Variants in PRUNE2 observed in about 807,000 individuals in gnomAD.
The protein encoded by PRUNE2 is prune homolog 2 with BCH domain.
PRUNE2 carries 164 observed loss-of-function variants against 252.0 expected under a neutral mutation model. The ratio of observed to expected loss-of-function variants is 0.65; its 90% confidence interval spans 0.57 to 0.74. PRUNE2 has a LOEUF of 0.74. Among genes scored for constraint, PRUNE2 ranks in the 30% least tolerant of loss-of-function variants. The probability of loss-of-function intolerance (pLI) is 0.00; values close to 1 mark genes in which losing one functional copy is unlikely to be tolerated. For missense variants in PRUNE2, 3,495 were observed against 3,711.0 expected (o/e 0.94, Z 1.51); for synonymous variants, 1,292 against 1,350.2 (o/e 0.96, Z 0.94).
chr9:76,773,101 C>T (rs759837445), intron 6 of PRUNE2, among the ~76,000 whole-genome samples: 20 of 152,208 alleles, frequency 1.3e-4, no homozygotes, highest in Non-Finnish European at 2.9e-4. Flanking sequence ...ATCCTACCAG[C>T]TTCCCCTACT....
At chr9:76,816,365 A>AT (rs1212966491) in intron 6 of PRUNE2, among the ~76,000 whole-genome samples, 1 of 152,040 alleles carries the variant, frequency 6.6e-6, no homozygotes, top group African/African-American at 2.4e-5. Flanking sequence ...TTACACAGGG[A>AT]TTTTTTATTC....
chr9:76,763,019 C>T (rs2051904688), intron 6 of PRUNE2, among the ~76,000 whole-genome samples: 1 of 152,164 alleles, frequency 6.6e-6, no homozygotes, highest in Non-Finnish European at 1.5e-5. Flanking sequence ...CATCCTCTAC[C>T]GCAAACCTGC....
intron 1 of PRUNE2, among the ~76,000 whole-genome samples, chr9:76,871,447 C>A (rs1047210695): frequency 3.9e-5 from 6 of 152,170 alleles, no homozygotes; most frequent in Non-Finnish European, 2.9e-5. Context: ...GTCCTGGAAC[C>A]AGTTCCCTGT....
At position 76,639,691 on chromosome 9, in the gene PRUNE2, G is replaced by A. The variant is rs1311949627; in HGVS notation, c.8729-1403C>T. On this transcript the variant is annotated intron_variant, in intron 12 of 18. Transcript: ENST00000376718. Reference sequence around the variant, plus strand: ...ATGGGTCTGGCTAAATTATATTTGAGTAGTATAAAATTCTGTACTTTTGGG... The same window carrying A: ...ATGGGTCTGGCTAAATTATATTTGAATAGTATAAAATTCTGTACTTTTGGG... Among the ~76,000 whole-genome samples the A allele has an allele frequency of 3.3e-5, 5 of 152,172 alleles. No homozygotes were observed. In the East Asian group the frequency reaches 9.6e-4, roughly 29 times the overall value.
Position 76,708,987 on chromosome 9 carries a change from G to T in PRUNE2, c.3287C>A (p.Thr1096Lys). The change falls in exon 8 of 19, where the codon ACA becomes AAA. Residue 1096 changes from threonine to lysine, a missense_variant. Transcript: ENST00000376718. ...QLYNETNRQL[T>K]LLHSSTNSRQ... Reference sequence around the variant, plus strand: ...GGAGTTGGTGCTGCTGTGCAAAAGTGTGAGTTGTCGGTTTGTTTCATTGTA... The same window carrying T: ...GGAGTTGGTGCTGCTGTGCAAAAGTTTGAGTTGTCGGTTTGTTTCATTGTA... The T allele has an allele frequency of 6.2e-7, 1 of 1,614,016 alleles. No homozygotes were observed. Among genetic ancestry groups the T allele is most frequent in the Non-Finnish European group, 8.5e-7 (1 of 1,179,896 alleles).
intron 6 of PRUNE2, among the ~76,000 whole-genome samples, chr9:76,762,682 A>T: frequency 6.6e-6 from 1 of 152,132 alleles, no homozygotes; most frequent in East Asian, 1.9e-4. Flanking sequence ...CTCCAGTCCT[A>T]GCTCTTGTAT....
At chr9:76,784,189 A>G (rs940040686) in intron 6 of PRUNE2, 1 of 152,124 alleles carries the variant, frequency 6.6e-6, no homozygotes, top group African/African-American at 2.4e-5. Context: ...CCCGCTTGTG[A>G]GGGAAGGACA....
rs1372172934 is a variant in PRUNE2 at position 76,665,014 on chromosome 9, G to A, written c.8277-9512C>T. On this transcript the variant is annotated intron_variant, in intron 9 of 18. Coordinates refer to ENST00000376718, the MANE Select transcript of PRUNE2 (RefSeq NM_015225.3). Reference sequence around the variant, plus strand: ...TCTCCACTCCATTCTCACTACAAAAGCCTTAGTTCAAGTTCATTTTTTTCA... The same window carrying A: ...TCTCCACTCCATTCTCACTACAAAAACCTTAGTTCAAGTTCATTTTTTTCA... Among the ~76,000 whole-genome samples the A allele has an allele frequency of 2.0e-5, 3 of 151,984 alleles. No individual in the cohort carries two copies. The East Asian group carries it at 5.8e-4, about 29-fold the overall frequency.
intron 4 of PRUNE2, among the ~76,000 whole-genome samples, chr9:76,831,183 C>T (rs2058656020): frequency 6.6e-6 from 1 of 152,072 alleles, no homozygotes; most frequent in African/African-American, 2.4e-5. Context: ...CCCACCTCGG[C>T]CTCCCAAAGT....
intron 6 of PRUNE2, among the ~76,000 whole-genome samples, chr9:76,761,406 A>G (rs532541827): frequency 6.6e-6 from 1 of 152,322 alleles, no homozygotes; most frequent in South Asian, 2.1e-4. Flanking sequence ...ATTTGATAAA[A>G]TGGTGTCGAC....
intron 12 of PRUNE2, among the ~76,000 whole-genome samples, chr9:76,639,124 G>C (rs1300551874): frequency 1.3e-5 from 2 of 152,116 alleles, no homozygotes; most frequent in African/African-American, 4.8e-5. Context: ...CTTTTTTGCA[G>C]TAGAGTCACA....
intron 9 of PRUNE2, among the ~76,000 whole-genome samples, chr9:76,677,546 G>C (rs1015644101): frequency 6.6e-6 from 1 of 152,184 alleles, no homozygotes; most frequent in Non-Finnish European, 1.5e-5. Flanking sequence ...GCTGGCAGCC[G>C]GCCCTCTGTG....
At position 76,637,500 on chromosome 9, in the gene PRUNE2, C is replaced by A; in HGVS notation, c.8881G>T (p.Val2961Leu). Residue 2961 changes from valine (V) to leucine (L), a missense_variant, in exon 14 of 19, where the codon GTG (valine) becomes TTG (leucine). Transcript: ENST00000376718. ...CTTGGGGTTGCACCATTCAAGTACA[C>A]AATCATATAGTCTTCAGCTACCATC... ...ELMVAEDYMIVYLNGATPRRR... is the reference protein window; with the variant it reads ...ELMVAEDYMILYLNGATPRRR... 6.2e-7 allele frequency: 1 copy of A among 1,613,280 alleles called. No homozygotes were observed.
At chr9:76,806,546 C>T (rs1321049736) in intron 6 of PRUNE2, among the ~76,000 whole-genome samples, 1 of 146,042 alleles carries the variant, frequency 6.8e-6, no homozygotes, top group Non-Finnish European at 1.5e-5. Context: ...TTCGCCCTGT[C>T]GCCCAGGCTG....
intron 13 of PRUNE2, among the ~76,000 whole-genome samples, 170 bp downstream of exon 13, chr9:76,638,016 T>C (rs1840887578): frequency 6.6e-6 from 1 of 152,236 alleles, no homozygotes; most frequent in African/African-American, 2.4e-5. Context: ...AAAGAGCTCC[T>C]TTAAAGGTTT....
intron 11 of PRUNE2, among the ~76,000 whole-genome samples, chr9:76,646,300 T>G (rs1844825706): frequency 6.6e-6 from 1 of 152,244 alleles, no homozygotes; most frequent in Admixed American, 6.5e-5. Context: ...GGAGCTAATC[T>G]GTAAGGAAGC....
At chr9:76,860,201 C>T (rs943617008) in intron 1 of PRUNE2, among the ~76,000 whole-genome samples, 1 of 152,148 alleles carries the variant, frequency 6.6e-6, no homozygotes, top group African/African-American at 2.4e-5. Context: ...AGACCAGTTA[C>T]TTAGGTTTTA....
intron 6 of PRUNE2, among the ~76,000 whole-genome samples, chr9:76,766,763 T>C (rs2052439189): frequency 1.4e-5 from 1 of 69,082 alleles, no homozygotes; most frequent in South Asian, 6.3e-4. Context: ...AATCCCCAGA[T>C]TTTTTCATGT....
chr9:76,727,710 CTTT>C (rs373565657), intron 6 of PRUNE2, among the ~76,000 whole-genome samples: 9 of 42,898 alleles, frequency 2.1e-4, no homozygotes, highest in African/African-American at 4.9e-4. Context: ...GTAAACAGGG[CTTT>C]TTTTTTTTTT....
Sources: gnomAD v4.1 joint callset for allele counts (sites outside exome capture counted in the v4.1 genomes callset) on GRCh38, gnomAD v4.1.1 for gene constraint, MANE v1.5 for transcripts, NCBI Gene and HGNC (gene_info 2026-07-23, HGNC 2026-07-21) for gene names.